The following WDHD1 variants were observed in gnomAD, a reference collection of about 807,000 sequenced individuals.
WDHD1 encodes the protein WD repeat and HMG-box DNA-binding protein 1.
In WDHD1, 111 loss-of-function variants were observed where a neutral mutation model predicts 135.4. The ratio of observed to expected loss-of-function variants is 0.82; its 90% CI spans 0.70 to 0.96. The LOEUF is 0.96. Ranked by LOEUF, WDHD1 falls within the 40% of genes least tolerant of loss-of-function variation. WDHD1 has a pLI of 0.00. For synonymous variants in WDHD1, 434 were observed against 439.0 expected (o/e 0.99, Z 0.14); for missense variants, 1,351 against 1,336.3 (o/e 1.01, Z -0.17).
chr14:54,944,521 G>C, intron 24 of WDHD1, 51 bp from the exon 25 acceptor site: 1 of 1,491,614 alleles, frequency 6.7e-7, no homozygotes, highest in Non-Finnish European at 8.9e-7. Flanking sequence ...AGAGTTTAAA[G>C]TGCCTCATGA....
chr14:55,004,762 T>C (rs1245389029), intron 7 of WDHD1: 1 of 385,878 alleles, frequency 2.6e-6, no homozygotes, highest in Non-Finnish European at 5.1e-6. Context: ...CCAATGTTTA[T>C]TTTTCATCAA....
intron 2 of WDHD1, among the ~76,000 whole-genome samples, chr14:55,019,709 A>G (rs2042314353): frequency 6.6e-6 from 1 of 152,190 alleles, no homozygotes; most frequent in Admixed American, 6.6e-5. Context: ...TCTCTACTAA[A>G]AATACAAAAA....
chr14:54,988,508 T>C (rs2041730110), intron 13 of WDHD1, among the ~76,000 whole-genome samples: 2 of 152,178 alleles, frequency 1.3e-5, no homozygotes, highest in Admixed American at 1.3e-4. Flanking sequence ...TACACCTTTG[T>C]CAACTCATCA....
chr14:54,980,015 G>C (rs1270597566), intron 16 of WDHD1, among the ~76,000 whole-genome samples: 4 of 152,142 alleles, frequency 2.6e-5, no homozygotes, highest in African/African-American at 9.7e-5. Flanking sequence ...GAATGTACCA[G>C]CCATATCATA....
chr14:54,959,784 AC>A (rs199574542), intron 21 of WDHD1, among the ~76,000 whole-genome samples: 5 of 150,604 alleles, frequency 3.3e-5, no homozygotes, highest in South Asian at 2.1e-4. Flanking sequence ...CTGTATCCGC[AC>A]CCCCCCCACC....
rs115651052 is a variant in WDHD1 at position 54,968,591 on chromosome 14, A to T, written c.2064-1197T>A. Among the ~76,000 whole-genome samples the T allele has an allele frequency of 6.4e-3, 977 of 152,320 alleles. 12 individuals are homozygous for T. Among genetic ancestry groups the T allele is most frequent in the African/African-American group, 0.022 (912 of 41,570 alleles). ...CAAAAAAAATTGATTTTTTGAAAGG[A>T]TAAACAAGATCGATAAACTCCTAGC... On this transcript the variant is annotated intron_variant, in intron 16 of 25. Coordinates refer to ENST00000360586, the MANE Select transcript of WDHD1 (RefSeq NM_007086.4).
chr14:54,962,647 A>T (rs962282845), intron 20 of WDHD1, 91 bp downstream of exon 20: 2 of 1,535,020 alleles, frequency 1.3e-6, no homozygotes, highest in Admixed American at 1.7e-5. Context: ...GAAAAAAAGT[A>T]TGAGTATTCA....
Position 55,010,369 on chromosome 14 carries a change from G to C in WDHD1, c.281C>G (p.Thr94Ser), listed in dbSNP as rs2042148730. The C allele has an allele frequency of 7.4e-6, 12 of 1,613,490 alleles. No individual in the cohort carries two copies. Among genetic ancestry groups the C allele is most frequent in the Non-Finnish European group, 1.0e-5 (12 of 1,179,804 alleles). The change falls in exon 4 of 26, where the codon ACT (threonine) becomes AGT (serine). Residue 94 changes from threonine to serine, a missense_variant. This residue lies in a region of WDHD1 where 1,330 missense variants were observed against 1,296.1 expected (regional missense o/e 1.03). Transcript: ENST00000360586. ...GVPDGILTRF[T>S]TNANHVVFNG... The stretch of plus-strand genomic sequence containing the variant: ...AAAGACCACATGGTTTGCATTTGTA[G>C]TGAAGCGAGTCAATATACCATCTGG...
intron 13 of WDHD1, among the ~76,000 whole-genome samples, chr14:54,988,086 C>T (rs2041722132): frequency 6.6e-6 from 1 of 152,150 alleles, no homozygotes. Context: ...ACATTCTGCA[C>T]CCATTGCTTT....
intron 16 of WDHD1, among the ~76,000 whole-genome samples, chr14:54,973,184 A>T (rs1324297411): frequency 3.3e-5 from 5 of 152,210 alleles, no homozygotes; most frequent in African/African-American, 1.2e-4. Context: ...TCTCTTTTTG[A>T]ATGCTTACTA....
rs1031717218 is a variant in WDHD1, at chr14:54,940,894, A to G, written c.*596T>C. 1.3e-5 allele frequency: 2 copies of G among 152,212 alleles called. No individual in the cohort carries two copies. Among genetic ancestry groups the G allele is most frequent in the Non-Finnish European group, 2.9e-5 (2 of 68,030 alleles). The allele number at this position is 152,212 out of a possible 1,614,324, so 9.4% of individuals were successfully genotyped here. A position where few individuals can be genotyped will look rare whatever the true frequency, so the allele number is the denominator to read the frequency against. ...TAAGACCATATCAAGCCAAATATAC[A>G]AATGAGAAAGTTTCATTTACCTCAA... On this transcript the variant is annotated 3_prime_UTR_variant, in exon 26 of 26. Coordinates refer to ENST00000360586, the MANE Select transcript of WDHD1 (RefSeq NM_007086.4).
chr14:54,996,651 C>T (rs2041884206), intron 10 of WDHD1, among the ~76,000 whole-genome samples: 2 of 152,112 alleles, frequency 1.3e-5, no homozygotes, highest in African/African-American at 2.4e-5. Flanking sequence ...TAAGCAGATA[C>T]ACTGCAAAGA....
intron 14 of WDHD1, 78 bp from the exon 15 acceptor site, chr14:54,984,938 T>C (rs2041674081): frequency 1.9e-6 from 3 of 1,560,264 alleles, no homozygotes; most frequent in South Asian, 2.4e-5. Context: ...TTTCTGTGAA[T>C]TGATTTTGTG....
At chr14:54,942,625 T>C (rs1454111269) in intron 25 of WDHD1, among the ~76,000 whole-genome samples, 5 of 152,324 alleles carry the variant, frequency 3.3e-5, no homozygotes, top group South Asian at 2.1e-4. Context: ...AGGAATGTTA[T>C]ATAAATGAGT....
At chr14:54,987,449 T>TATATAC (rs2140197479) in intron 13 of WDHD1, 62 bp from the exon 14 acceptor site, 9 of 1,392,348 alleles carry the variant, frequency 6.5e-6, no homozygotes, top group Non-Finnish European at 8.7e-6. Flanking sequence ...TATATATATA[T>TATATAC]ATAAGCAATC....
intron 25 of WDHD1, among the ~76,000 whole-genome samples, chr14:54,942,015 C>A (rs868062788): frequency 1.3e-5 from 2 of 151,936 alleles, no homozygotes; most frequent in African/African-American, 4.8e-5. Context: ...CTTTGGGAGG[C>A]CGAGGTGGGT....
At position 55,010,390 on chromosome 14, in the gene WDHD1, T is replaced by C; in HGVS notation, c.260A>G (p.Asp87Gly). 1.2e-6 allele frequency: 2 copies of C among 1,613,542 alleles called. No homozygotes were observed. The highest frequency in any genetic ancestry group is 1.7e-6 in the Non-Finnish European group (2 of 1,179,778). ...QVHTFPEGVP[D>G]GILTRFTTNA... Reference sequence around the variant, plus strand: ...TGTAGTGAAGCGAGTCAATATACCATCTGGAACTCCTTCAGGAAATGTGTG... The same window carrying C: ...TGTAGTGAAGCGAGTCAATATACCACCTGGAACTCCTTCAGGAAATGTGTG... The change falls in exon 4 of 26, where the codon GAT (aspartate) becomes GGT (glycine). Residue 87 changes from aspartate to glycine, a missense_variant. Physicochemically the swap from Asp to Gly is moderately conservative, Grantham distance 94. This residue lies in a region of WDHD1 where 1,330 missense variants were observed against 1,296.1 expected (regional missense o/e 1.03). Transcript: ENST00000360586.
intron 10 of WDHD1, among the ~76,000 whole-genome samples, chr14:54,996,535 G>A (rs1185644534): frequency 6.6e-6 from 1 of 152,102 alleles, no homozygotes; most frequent in Non-Finnish European, 1.5e-5. Flanking sequence ...GGAAGGTCAG[G>A]GCTGCAGTGA....
Position 55,008,599 on chromosome 14 carries a change from A to C in WDHD1, c.453+9T>G. ...GAAAAACACAAAAAGAGAAGGAAAA[A>C]ATAATTACCAGAAAGATGTCCTTAG... On this transcript the variant is annotated intron_variant, in intron 5 of 25. Transcript: ENST00000360586. The C allele has an allele frequency of 6.3e-7, 1 of 1,579,362 alleles. No individual in the cohort carries two copies. The highest frequency in any genetic ancestry group is 8.6e-7 in the Non-Finnish European group (1 of 1,168,288).
Sources: gnomAD v4.1 joint callset for allele counts (sites outside exome capture counted in the v4.1 genomes callset) on GRCh38, gnomAD v4.1.1 for gene constraint, gnomAD v4.1.1 regional missense constraint, MANE v1.5 for transcripts, NCBI Gene and HGNC (gene_info 2026-07-23, HGNC 2026-07-21) for gene names.